The following MIA2 variants were observed in gnomAD, a reference collection of about 807,000 sequenced individuals.
MIA2 encodes the protein melanoma inhibitory activity protein 2.
Under a neutral mutation model 167.8 loss-of-function variants are expected in MIA2, and 127 were observed. That is an observed-to-expected ratio of 0.76 (90% CI 0.66 to 0.88). The LOEUF (loss-of-function observed/expected upper bound fraction) is 0.88, where lower values mean the gene tolerates loss of function less well. Among genes scored for constraint, MIA2 ranks in the 40% least tolerant of loss-of-function variants. The probability of loss-of-function intolerance (pLI) is 0.00; values close to 1 mark genes in which losing one functional copy is unlikely to be tolerated. For missense variants in MIA2, 1,690 were observed against 1,624.7 expected (o/e 1.04, Z -0.69); for synonymous variants, 552 against 541.9 (o/e 1.02, Z -0.26).
rs2054346417 is a variant in MIA2, at chr14:39,246,968, G to T, written c.394G>T (p.Glu132Ter). ...VSYTFDNEDS[E>*]LNGDYGENIY... ...TTACACATTTGACAATGAAGATAGT[G>T]AATTAAACGGTGATTATGGTGAAAA... The change falls in exon 4 of 29, where the codon GAA (glutamate) becomes TAA (stop). Residue 132 changes from glutamate to a stop codon, truncating the protein, a stop_gained. Transcript: ENST00000640607. LOFTEE classifies it high-confidence loss of function. 1.3e-6 allele frequency: 2 copies of T among 1,542,870 alleles called. No individual in the cohort carries two copies. The highest frequency in any genetic ancestry group is 1.4e-5 in the African/African-American group (1 of 72,078).
At chr14:39,269,138 A>C in intron 6 of MIA2, 1 of 797,886 alleles carries the variant, frequency 1.3e-6, no homozygotes, top group African/African-American at 2.0e-5. Flanking sequence ...CTAGGATGGC[A>C]CAACATTGTT....
At chr14:39,386,469 CT>C in intron 23 of MIA2, 1 of 1,529,620 alleles carries the variant, frequency 6.5e-7, no homozygotes, top group Non-Finnish European at 9.0e-7. Context: ...TTGGCCCAGT[CT>C]TTTACTGCCT....
chr14:39,341,229 G>C (rs1003550369), intron 25 of MIA2, among the ~76,000 whole-genome samples: 2 of 152,130 alleles, frequency 1.3e-5, no homozygotes. Context: ...TTGACCCTGG[G>C]AGGGAGAGCT....
chr14:39,287,278 A>C (rs1389419907), intron 9 of MIA2, among the ~76,000 whole-genome samples: 1 of 151,278 alleles, frequency 6.6e-6, no homozygotes, highest in Admixed American at 6.6e-5. Flanking sequence ...TGTTTGGCCA[A>C]GTTGCCCAAG....
In MIA2 at chr14:39,252,854, C is replaced by T. The variant is rs747439190; in HGVS notation, c.1674C>T (p.Thr558=). The change falls in exon 5 of 29, where the codon ACC becomes ACT. Residue 558 remains threonine, a synonymous_variant. Coordinates refer to ENST00000640607, the MANE Select transcript of MIA2 (RefSeq NM_001329214.4). ...SDENSKPSVD[T]EGPALVEIDR... Reference sequence around the variant, plus strand: ...AAAATTCGAAACCATCAGTAGACACCGAAGGGCCTGCTCTGGTGGAGATAG... The same window carrying T: ...AAAATTCGAAACCATCAGTAGACACTGAAGGGCCTGCTCTGGTGGAGATAG... The T allele has an allele frequency of 9.9e-6, 16 of 1,613,796 alleles. No individual in the cohort carries two copies. Among genetic ancestry groups the T allele is most frequent in the African/African-American group, 4.0e-5 (3 of 74,904 alleles).
intron 2 of MIA2, among the ~76,000 whole-genome samples, chr14:39,237,741 TG>T (rs2152600663): frequency 1.3e-5 from 2 of 152,200 alleles, no homozygotes; most frequent in African/African-American, 4.8e-5. Context: ...TCAAGGTTTT[TG>T]TTTGTTTGTT....
intron 25 of MIA2, among the ~76,000 whole-genome samples, chr14:39,333,596 T>A (rs985123906): frequency 6.6e-6 from 1 of 152,136 alleles, no homozygotes; most frequent in Non-Finnish European, 1.5e-5. Context: ...GTGCTGCAAC[T>A]CACTGTGGTC....
chr14:39,360,102 G>A (rs1351113190), intron 23 of MIA2, among the ~76,000 whole-genome samples: 2 of 151,480 alleles, frequency 1.3e-5, no homozygotes, highest in African/African-American at 4.9e-5. Context: ...AGGAGTTGGA[G>A]ACCAGCATGG....
intron 23 of MIA2, among the ~76,000 whole-genome samples, chr14:39,378,198 G>A (rs1004017728): frequency 2.0e-5 from 3 of 152,148 alleles, no homozygotes; most frequent in Non-Finnish European, 2.9e-5. Flanking sequence ...ATTGTTAAAA[G>A]CTGCAAATAG....
chr14:39,303,437 AT>A (rs1306064352), intron 15 of MIA2, 40 bp from the exon 16 acceptor site: 2 of 1,503,968 alleles, frequency 1.3e-6, no homozygotes, highest in Non-Finnish European at 1.8e-6. Flanking sequence ...GTATTGTACT[AT>A]TTTCCCAAAT....
chr14:39,348,603 T>G, intron 27 of MIA2, 140 bp from the exon 28 acceptor site: 1 of 1,240,540 alleles, frequency 8.1e-7, no homozygotes, highest in Non-Finnish European at 1.1e-6. Context: ...TGTGGAAAGC[T>G]GTTTGAATCT....
rs1334408849 is a variant in MIA2, at chr14:39,345,923, A to T, written c.3675A>T (p.Ser1225=). The stretch of plus-strand genomic sequence containing the variant: ...TTCTAGGACAATCATATCCTGATTC[A>T]GCCCTTCCTCCACAAAGGCAAGACA... ...FPPPGQSYPD[S]ALPPQRQDRF... is the part of the protein sequence containing the mutation. The change falls in exon 26 of 29, where the codon TCA becomes TCT. Residue 1225 remains serine, a synonymous_variant. Transcript: ENST00000640607. 1.2e-6 allele frequency: 2 copies of T among 1,611,132 alleles called. No homozygotes were observed. Among genetic ancestry groups the T allele is most frequent in the Non-Finnish European group, 1.7e-6 (2 of 1,178,708 alleles).
chr14:39,302,546 A>G (rs563943735), intron 15 of MIA2, among the ~76,000 whole-genome samples: 12 of 152,286 alleles, frequency 7.9e-5, no homozygotes, highest in East Asian at 5.8e-4. Context: ...AATCATTTCA[A>G]TGCCTGTTTT....
exon 24 of MIA2, chr14:39,386,961 C>A: frequency 1.3e-6 from 1 of 780,526 alleles, no homozygotes; most frequent in Non-Finnish European, 2.2e-6. Context: ...GAAGCCGAAG[C>A]ATTGGCGGAT....
chr14:39,317,790 A>AC (rs755191888), intron 21 of MIA2, among the ~76,000 whole-genome samples, 154 bp from the exon 22 acceptor site: 7 of 152,144 alleles, frequency 4.6e-5, no homozygotes, highest in Non-Finnish European at 1.0e-4. Context: ...TCTAAGTCTT[A>AC]CACTTTTTCT....
At chr14:39,297,814 C>T (rs2061651534) in intron 13 of MIA2, among the ~76,000 whole-genome samples, 1 of 151,992 alleles carries the variant, frequency 6.6e-6, no homozygotes, top group Non-Finnish European at 1.5e-5. Flanking sequence ...GACTTTTGGC[C>T]AGTCCTCCTT....
rs529890845 is a variant in MIA2, at chr14:39,362,859, G to A, written c.2248+13882G>A. 8.4e-4 allele frequency among the ~76,000 whole-genome samples: 128 copies of A among 152,226 alleles called. 1 individual carries two copies. Among genetic ancestry groups the A allele is most frequent in the Non-Finnish European group, 1.2e-3 (82 of 68,018 alleles). On this transcript the variant is annotated intron_variant, in intron 23 of 23. Transcript: ENST00000341502. ...CACTGCTTTTGTTGTATTACATGGG[G>A]TTTGGTGTGTTGTGTTTGTGTTTTC... is the stretch of plus-strand genomic sequence containing the variant.
intron 6 of MIA2, among the ~76,000 whole-genome samples, chr14:39,258,758 G>A (rs2054933933): frequency 6.6e-6 from 1 of 152,180 alleles, no homozygotes. Context: ...GTGACCTTTG[G>A]ATGGGGTTTT....
intron 3 of MIA2, among the ~76,000 whole-genome samples, chr14:39,245,081 C>CGTTTTTTTTTTTT (rs761421469): frequency 8.4e-6 from 1 of 119,718 alleles, no homozygotes; most frequent in Non-Finnish European, 1.7e-5. Context: ...CCTAGCTAAC[C>CGTTTTTTTTTTTT]TTTTTTTTTT....
Sources: gnomAD v4.1 joint callset for allele counts (sites outside exome capture counted in the v4.1 genomes callset) on GRCh38, gnomAD v4.1.1 for gene constraint, MANE v1.5 for transcripts, NCBI Gene and HGNC (gene_info 2026-07-23, HGNC 2026-07-21) for gene names.